ZNF184: variants seen among roughly 807,000 people sequenced by gnomAD.
ZNF184 encodes zinc finger protein 184.
In ZNF184, 16 loss-of-function variants were observed where a neutral mutation model predicts 54.4. The ratio of observed to expected loss-of-function variants is 0.29; its 90% CI spans 0.20 to 0.45. The LOEUF is 0.45. ZNF184 is among the 20% of genes least tolerant of loss of function. ZNF184 has a pLI of 1.00. For missense variants in ZNF184, 681 were observed against 888.2 expected (o/e 0.77, Z 2.97); for synonymous variants, 254 against 295.3 (o/e 0.86, Z 1.43).
chr6:27,463,285 GA>G (rs550261507), intron 3 of ZNF184, among the ~76,000 whole-genome samples: 2,103 of 130,568 alleles, frequency 0.016, 30 homozygotes, highest in South Asian at 0.046. Flanking sequence ...TAATAATAAA[GA>G]AAAAAAAAAA....
At chr6:27,404,453 G>A in the ZNF184 span, 3 of 152,148 alleles carry the variant, frequency 2.0e-5, no homozygotes, top group Non-Finnish European at 4.4e-5. Flanking sequence ...TCTTAGGATG[G>A]AGTGAGGTTC....
chr6:27,410,839 G>A, the ZNF184 span, among the ~76,000 whole-genome samples: 1 of 152,034 alleles, frequency 6.6e-6, no homozygotes, highest in Non-Finnish European at 1.5e-5. Context: ...GCTATGGGAG[G>A]TTTTTGATCA....
At chr6:27,414,608 CTCTT>C in the ZNF184 span, among the ~76,000 whole-genome samples, 1 of 151,956 alleles carries the variant, frequency 6.6e-6, no homozygotes, top group Non-Finnish European at 1.5e-5. Context: ...ATCCAGATGG[CTCTT>C]TCTTTCTCTC....
chr6:27,469,590 G>A (rs901379028), intron 2 of ZNF184, among the ~76,000 whole-genome samples: 5 of 151,840 alleles, frequency 3.3e-5, no homozygotes, highest in Non-Finnish European at 7.4e-5. Flanking sequence ...GCAGTGAGCC[G>A]AAATTATGCC....
chr6:27,433,902 TTCTC>T, the ZNF184 span, among the ~76,000 whole-genome samples: 6,367 of 150,326 alleles, frequency 0.042, 315 homozygotes, highest in African/African-American at 0.13. Flanking sequence ...CTTCCTTTCT[TTCTC>T]TTTTTCTTTC....
chr6:27,426,526 C>T, the ZNF184 span, among the ~76,000 whole-genome samples: 6 of 152,224 alleles, frequency 3.9e-5, no homozygotes, highest in East Asian at 1.2e-3. This position sits in a 1 kb window ranked among gnomAD's most constrained non-coding sequence, Gnocchi z 4.2. Flanking sequence ...TCCATCCCAA[C>T]TGCCAGAGAT....
chr6:27,471,921 G>A (rs1377396000), intron 2 of ZNF184, among the ~76,000 whole-genome samples: 1 of 152,204 alleles, frequency 6.6e-6, no homozygotes, highest in Non-Finnish European at 1.5e-5. Context: ...TTGACAGACA[G>A]CCGTCTGCCA....
chr6:27,422,222 A>G, the ZNF184 span, among the ~76,000 whole-genome samples: 1 of 141,574 alleles, frequency 7.1e-6, no homozygotes, highest in Non-Finnish European at 1.5e-5. Context: ...GAAAGAAAAG[A>G]AAAGAAATTC....
chr6:27,467,189 T>C (rs1763160060), intron 3 of ZNF184, among the ~76,000 whole-genome samples: 1 of 152,228 alleles, frequency 6.6e-6, no homozygotes, highest in Non-Finnish European at 1.5e-5. Context: ...GAAACTCTCC[T>C]AATCCCTCCA....
In ZNF184 at chr6:27,472,395, C is replaced by T; in HGVS notation, c.-101G>A. On this transcript the variant is annotated 5_prime_UTR_variant, in exon 2 of 6. Transcript: ENST00000683788. This position sits in a 1 kb window ranked among gnomAD's most constrained non-coding sequence, Gnocchi z 4.8. ...GGTCTAGGACTCAGATGTCTAACTC[C>T]CCTTGCAGGGAATCTGCAACACGCT... The T allele has an allele frequency of 6.6e-7, 1 of 1,504,138 alleles. No individual in the cohort carries two copies. The highest frequency in any genetic ancestry group is 9.2e-7 in the Non-Finnish European group (1 of 1,087,412). 93.2% of individuals were successfully genotyped at this position (1,504,138 alleles called of 1,614,324 possible).
chr6:27,440,672 A>T, the ZNF184 span, among the ~76,000 whole-genome samples: 1 of 152,174 alleles, frequency 6.6e-6, no homozygotes, highest in Non-Finnish European at 1.5e-5. Context: ...CTTTGTAACA[A>T]GGGAAGTTCA....
At chr6:27,448,084 CTTTT>C (rs1464762596), downstream of ZNF184, among the ~76,000 whole-genome samples, 6 of 152,144 alleles carry the variant, frequency 3.9e-5, no homozygotes, top group African/African-American at 9.7e-5. Flanking sequence ...ATTTTGTGTT[CTTTT>C]GTTTTTTATT....
chr6:27,436,797 C>T, the ZNF184 span, among the ~76,000 whole-genome samples: 2 of 152,216 alleles, frequency 1.3e-5, no homozygotes, highest in African/African-American at 4.8e-5. Flanking sequence ...TTGTTTATTA[C>T]AACTAGGATC....
the ZNF184 span, among the ~76,000 whole-genome samples, chr6:27,436,461 G>C: frequency 2.2e-3 from 340 of 152,282 alleles, 1 homozygote; most frequent in African/African-American, 5.5e-3. Context: ...ACTGTGCCCG[G>C]CCTTATGAGT....
At chr6:27,449,519 A>G (rs554215335), downstream of ZNF184, among the ~76,000 whole-genome samples, 41 of 152,330 alleles carry the variant, frequency 2.7e-4, no homozygotes, top group African/African-American at 7.7e-4. Context: ...TTGGGAGGTC[A>G]AGGCAGGAGG....
At chr6:27,432,872 G>A in the ZNF184 span, among the ~76,000 whole-genome samples, 1 of 152,168 alleles carries the variant, frequency 6.6e-6, no homozygotes, top group African/African-American at 2.4e-5. The surrounding 1 kb of genome is among the most constrained non-coding windows in gnomAD (Gnocchi z 4.0). Context: ...CAAGTGAGAT[G>A]TCATCTGATA....
the ZNF184 span, among the ~76,000 whole-genome samples, chr6:27,419,527 CAGAT>C: frequency 0.24 from 36,435 of 148,952 alleles, 4,573 homozygotes; most frequent in East Asian, 0.4. This position sits in a 1 kb window ranked among gnomAD's most constrained non-coding sequence, Gnocchi z 4.8. Context: ...TTTCAATATT[CAGAT>C]AGATAGATAG....
intron 4 of ZNF184, 129 bp from the exon 5 acceptor site, chr6:27,457,050 A>C: frequency 1.0e-6 from 1 of 968,220 alleles, no homozygotes; most frequent in East Asian, 2.5e-5. Context: ...ATAGCATATC[A>C]AGCTTTAGTG....
At chr6:27,423,447 G>C in the ZNF184 span, among the ~76,000 whole-genome samples, 2 of 152,028 alleles carry the variant, frequency 1.3e-5, no homozygotes, top group East Asian at 3.9e-4. Context: ...CTACATTTCT[G>C]ATTTGTGGGC....
Sources: gnomAD v4.1 joint callset for allele counts (sites outside exome capture counted in the v4.1 genomes callset) on GRCh38, gnomAD v4.1.1 for gene constraint, Gnocchi (gnomAD v3.1) non-coding constraint, MANE v1.5 for transcripts, NCBI Gene and HGNC (gene_info 2026-07-23, HGNC 2026-07-21) for gene names.